Variants in FAM234B observed in about 807,000 individuals in gnomAD.
The protein encoded by FAM234B is protein FAM234B.
In FAM234B, 33 loss-of-function variants were observed where a neutral mutation model predicts 69.3. The observed-to-expected ratio is 0.48, with a 90% CI of 0.36 to 0.64. The LOEUF is 0.64. FAM234B is among the 30% of genes least tolerant of loss of function. The pLI is 0.00. For missense variants in FAM234B, 697 were observed against 769.7 expected (o/e 0.91, Z 1.12); for synonymous variants, 306 against 306.9 (o/e 1.00, Z 0.03).
At chr12:13,063,366 G>A (rs1865005173) in intron 5 of FAM234B, among the ~76,000 whole-genome samples, 1 of 152,170 alleles carries the variant, frequency 6.6e-6, no homozygotes, top group Non-Finnish European at 1.5e-5. Flanking sequence ...TATTTAAAGT[G>A]CCTAGAGTAG....
chr12:13,080,879 T>C lies in FAM234B; in HGVS notation c.*249T>C, dbSNP rs1327617723. 4.8e-6 allele frequency: 2 copies of C among 419,128 alleles called. No homozygotes were observed. The highest frequency in any genetic ancestry group is 8.4e-6 in the Non-Finnish European group (2 of 238,624). 26.0% of individuals were successfully genotyped at this position (419,128 alleles called of 1,614,324 possible). On this transcript the variant is annotated 3_prime_UTR_variant, in exon 13 of 13. Coordinates refer to ENST00000197268, the MANE Select transcript of FAM234B (RefSeq NM_020853.2). The stretch of plus-strand genomic sequence containing the variant: ...CTCTAGGAACTCTGCGTGGATCGTT[T>C]GGAAATGTGAATCTCTTAAGTATTT...
chr12:13,057,637 A>G (rs1864944706), intron 2 of FAM234B, among the ~76,000 whole-genome samples: 1 of 152,218 alleles, frequency 6.6e-6, no homozygotes, highest in Non-Finnish European at 1.5e-5. Context: ...ACATGGTTGT[A>G]CCGATTTACA....
At chr12:13,064,839 C>A (rs1865020732) in intron 5 of FAM234B, among the ~76,000 whole-genome samples, 1 of 152,126 alleles carries the variant, frequency 6.6e-6, no homozygotes, top group African/African-American at 2.4e-5. Flanking sequence ...GGAAGGAAAC[C>A]TAAGTCTGTG....
intron 1 of FAM234B, among the ~76,000 whole-genome samples, chr12:13,054,242 A>T (rs1399790418): frequency 4.2e-5 from 6 of 143,280 alleles, no homozygotes; most frequent in Non-Finnish European, 9.0e-5. Flanking sequence ...GAAGTGATAA[A>T]TGTCCATGAA....
At chr12:13,072,973 GATGCCTCATGA>G (rs1242929759) in intron 10 of FAM234B, among the ~76,000 whole-genome samples, 1 of 152,120 alleles carries the variant, frequency 6.6e-6, no homozygotes, top group Non-Finnish European at 1.5e-5. Context: ...CCATAAGGTG[GATGCCTCATGA>G]TTTCCCATTG....
At chr12:13,071,191 C>T in intron 9 of FAM234B, 50 bp from the exon 10 acceptor site, 1 of 1,599,642 alleles carries the variant, frequency 6.3e-7, no homozygotes, top group Non-Finnish European at 8.6e-7. Flanking sequence ...TCTGGGCCTG[C>T]TGCTTTTTTG....
At chr12:13,070,454 G>C (rs767537594) in intron 9 of FAM234B, among the ~76,000 whole-genome samples, 2 of 152,062 alleles carry the variant, frequency 1.3e-5, no homozygotes, top group African/African-American at 2.4e-5. Context: ...GTCCAAAGAG[G>C]TTAGGTCCTC....
intron 1 of FAM234B, among the ~76,000 whole-genome samples, chr12:13,053,100 G>C (rs921656670): frequency 6.6e-6 from 1 of 152,018 alleles, no homozygotes; most frequent in Non-Finnish European, 1.5e-5. Context: ...TCTAATAATT[G>C]ATTTATTTTC....
intron 3 of FAM234B, among the ~76,000 whole-genome samples, chr12:13,060,888 T>C (rs969508080): frequency 5.9e-5 from 9 of 152,230 alleles, no homozygotes; most frequent in African/African-American, 2.2e-4. Context: ...CCTTACCAGC[T>C]GTACTTGGAT....
In FAM234B at chr12:13,082,378, G is replaced by A. The variant is rs1865244963; in HGVS notation, c.*1748G>A. On this transcript the variant is annotated 3_prime_UTR_variant, in exon 13 of 13. Transcript: ENST00000197268. ...GACAGGCATTATGACCTAACAGGAG[G>A]TTGGTAGCAGTAGATCCAAGCATGC... 1 of 152,222 alleles carries A rather than the reference G, an allele frequency of 6.6e-6. No individual in the cohort carries two copies. Among genetic ancestry groups the A allele is most frequent in the Non-Finnish European group, 1.5e-5 (1 of 68,046 alleles). 9.4% of individuals were successfully genotyped at this position (152,222 alleles called of 1,614,324 possible). A position where few individuals can be genotyped will look rare whatever the true frequency, so the allele number is the denominator to read the frequency against.
At chr12:13,050,574 G>A (rs1864864994) in intron 1 of FAM234B, among the ~76,000 whole-genome samples, 3 of 152,148 alleles carry the variant, frequency 2.0e-5, no homozygotes, top group African/African-American at 4.8e-5. Flanking sequence ...TGTGGAACAA[G>A]GGAGGTAGTA....
At chr12:13,047,759 G>A (rs1403226995) in intron 1 of FAM234B, among the ~76,000 whole-genome samples, 1 of 152,194 alleles carries the variant, frequency 6.6e-6, no homozygotes, top group Non-Finnish European at 1.5e-5. Context: ...GCAAGGAAGC[G>A]AGTGAGTGCT....
intron 11 of FAM234B, 45 bp from the exon 12 acceptor site, chr12:13,079,744 C>A: frequency 8.3e-7 from 1 of 1,199,368 alleles, no homozygotes; most frequent in Non-Finnish European, 1.2e-6. Flanking sequence ...TGTTAGTGGA[C>A]GGTATGTGTC....
At chr12:13,057,515 TTG>T (rs1259564564) in intron 2 of FAM234B, among the ~76,000 whole-genome samples, 24 of 152,312 alleles carry the variant, frequency 1.6e-4, no homozygotes, top group African/African-American at 5.5e-4. Flanking sequence ...ATGTTTCCTA[TTG>T]CAGTGTATAA....
chr12:13,080,606 G>T lies in FAM234B; in HGVS notation c.1864-19G>T. 6.3e-7 allele frequency: 1 copy of T among 1,599,174 alleles called. No individual in the cohort carries two copies. On this transcript the variant is annotated intron_variant, in intron 12 of 12. Transcript: ENST00000197268. ...CTACCATGAAAAACAATAAAGTCAC[G>T]ATAACTCTTTTTCCATAGATCTAAT...
rs915268842 is a variant in FAM234B at position 13,081,391 on chromosome 12, T to G, written c.*761T>G. On this transcript the variant is annotated 3_prime_UTR_variant, in exon 13 of 13. Transcript: ENST00000197268. ...CCCATCTCTGACCAAGTCCACATGT[T>G]GTGTTATATGTGGCTCTGATGGTTC... The G allele has an allele frequency of 2.6e-5, 4 of 152,274 alleles. No individual in the cohort carries two copies. Among genetic ancestry groups the G allele is most frequent in the Non-Finnish European group, 5.9e-5 (4 of 68,054 alleles). The allele number at this position is 152,274 out of a possible 1,614,324, so 9.4% of individuals were successfully genotyped here. A position where few individuals can be genotyped will look rare whatever the true frequency, so the allele number is the denominator to read the frequency against.
intron 4 of FAM234B, chr12:13,062,596 C>A (rs1864995490): frequency 2.8e-6 from 1 of 360,612 alleles, no homozygotes; most frequent in African/African-American, 2.1e-5. Flanking sequence ...TTTAGCACCT[C>A]CATTTTATCT....
At chr12:13,076,191 G>C (rs777880297) in intron 11 of FAM234B, 48 bp downstream of exon 11, 2 of 1,375,114 alleles carry the variant, frequency 1.5e-6, no homozygotes, top group South Asian at 2.3e-5. Flanking sequence ...TGGTGGGAGA[G>C]TATGTGTTGG....
At chr12:13,080,442 A>T (rs1865212134) in intron 12 of FAM234B, among the ~76,000 whole-genome samples, 183 bp from the exon 13 acceptor site, 1 of 152,246 alleles carries the variant, frequency 6.6e-6, no homozygotes, top group African/African-American at 2.4e-5. Context: ...AAAGTTCAAA[A>T]GCTTATCATG....
Sources: gnomAD v4.1 joint callset for allele counts (sites outside exome capture counted in the v4.1 genomes callset) on GRCh38, gnomAD v4.1.1 for gene constraint, MANE v1.5 for transcripts, NCBI Gene and HGNC (gene_info 2026-07-23, HGNC 2026-07-21) for gene names.